Variants in AGK observed in about 807,000 individuals in gnomAD.
AGK encodes acylglycerol kinase, mitochondrial.
Under a neutral mutation model 66.4 loss-of-function variants are expected in AGK, and 52 were observed. That is an observed-to-expected ratio of 0.78 (90% CI 0.63 to 0.99). The LOEUF is 0.99. AGK is among the 50% of genes least tolerant of loss of function. AGK has a pLI of 0.00. For synonymous variants in AGK, 182 were observed against 181.1 expected, an observed-to-expected ratio of 1.00 and a Z score of -0.04; for missense variants, 451 against 506.6, an observed-to-expected ratio of 0.89 and a Z score of 1.05.
intron 2 of AGK, among the ~76,000 whole-genome samples, chr7:141,567,678 A>G (rs1211903287): frequency 6.6e-6 from 1 of 152,226 alleles, no homozygotes; most frequent in African/African-American, 2.4e-5. Context: ...TGCTTTTACC[A>G]AGCTTTCCAG....
intron 8 of AGK, among the ~76,000 whole-genome samples, chr7:141,617,052 G>T (rs574017988): frequency 6.6e-6 from 1 of 152,204 alleles, no homozygotes; most frequent in Admixed American, 6.5e-5. Context: ...TCCCGGTTTA[G>T]AATTTCTGAG....
intron 12 of AGK, 137 bp from the exon 13 acceptor site, chr7:141,641,674 G>A: frequency 1.3e-6 from 1 of 765,166 alleles, no homozygotes; most frequent in Admixed American, 2.6e-5. Flanking sequence ...TGTATAAGAA[G>A]CATGAAATAA....
intron 2 of AGK, among the ~76,000 whole-genome samples, chr7:141,582,759 G>A (rs2116900823): frequency 6.6e-6 from 1 of 152,058 alleles, no homozygotes; most frequent in Admixed American, 6.5e-5. Context: ...GGGAGAGCTA[G>A]CCATGGAACG....
chr7:141,553,477 C>G (rs1795142857), intron 1 of AGK, among the ~76,000 whole-genome samples: 1 of 152,212 alleles, frequency 6.6e-6, no homozygotes, highest in Admixed American at 6.5e-5. Flanking sequence ...CTCACAAAGC[C>G]TTGTGCTGAC....
intron 4 of AGK, 137 bp downstream of exon 4, chr7:141,596,778 T>A: frequency 1.4e-6 from 1 of 698,218 alleles, no homozygotes. Flanking sequence ...GATTCATTTG[T>A]AATGTAGAAA....
intron 2 of AGK, among the ~76,000 whole-genome samples, chr7:141,564,469 AACTC>A (rs138238201): frequency 0.14 from 20,739 of 152,010 alleles, 1,655 homozygotes; most frequent in Middle Eastern, 0.19. Flanking sequence ...ATCTTGTGAG[AACTC>A]ACTCACTTTC....
In AGK at chr7:141,601,285, G is replaced by C; in HGVS notation, c.297+5G>C. 6.2e-7 allele frequency: 1 copy of C among 1,607,992 alleles called. No individual in the cohort carries two copies. Among genetic ancestry groups the C allele is most frequent in the Non-Finnish European group, 8.5e-7 (1 of 1,176,502 alleles). On this transcript the variant is annotated splice_donor_5th_base_variant and intron_variant, in intron 5 of 15. Coordinates refer to ENST00000649286, the MANE Select transcript of AGK (RefSeq NM_018238.4). ...ATGGATGTGACTATTGTTAAGGTAAGAATGGCTCCTGAATGTTTATTTCAC... is the reference window on the plus strand; with the variant it reads ...ATGGATGTGACTATTGTTAAGGTAACAATGGCTCCTGAATGTTTATTTCAC...
chr7:141,630,322 T>C (rs977828593), intron 9 of AGK, among the ~76,000 whole-genome samples: 5 of 152,152 alleles, frequency 3.3e-5, no homozygotes, highest in African/African-American at 4.8e-5. Flanking sequence ...TGCAGTTAGA[T>C]AGGAGGAATA....
chr7:141,603,983 A>G (rs1355818570), intron 5 of AGK, among the ~76,000 whole-genome samples: 4 of 152,112 alleles, frequency 2.6e-5, no homozygotes, highest in Non-Finnish European at 5.9e-5. Flanking sequence ...GTCTAACCCC[A>G]TCTTATACTA....
intron 2 of AGK, among the ~76,000 whole-genome samples, chr7:141,577,422 C>T (rs903972697): frequency 6.6e-6 from 1 of 152,228 alleles, no homozygotes; most frequent in African/African-American, 2.4e-5. Flanking sequence ...AACCACCCCC[C>T]AGTTCTGTAG....
intron 2 of AGK, among the ~76,000 whole-genome samples, chr7:141,575,823 G>A (rs1321607117): frequency 2.0e-5 from 3 of 151,998 alleles, no homozygotes; most frequent in Non-Finnish European, 4.4e-5. Context: ...TATCTCTGGG[G>A]TGAATCACAA....
chr7:141,620,065 A>C (rs1796791697), intron 8 of AGK, among the ~76,000 whole-genome samples: 1 of 152,222 alleles, frequency 6.6e-6, no homozygotes, highest in African/African-American at 2.4e-5. Flanking sequence ...TGCTAAGAGA[A>C]AAAAACTGAA....
chr7:141,604,374 G>GTGTATATATATATATATATA (rs1554400830), intron 5 of AGK, among the ~76,000 whole-genome samples: 3 of 113,826 alleles, frequency 2.6e-5, no homozygotes, highest in African/African-American at 1.0e-4. Context: ...GTGTGTGTGT[G>GTGTATATATATATATATATA]TATATATATA....
chr7:141,641,649 C>A (rs1490922291), intron 12 of AGK, among the ~76,000 whole-genome samples, 162 bp from the exon 13 acceptor site: 1 of 152,092 alleles, frequency 6.6e-6, no homozygotes, highest in Non-Finnish European at 1.5e-5. Context: ...CACAGAGATG[C>A]CATTTTTACC....
At chr7:141,645,811 C>T (rs1797397988) in intron 13 of AGK, among the ~76,000 whole-genome samples, 1 of 151,888 alleles carries the variant, frequency 6.6e-6, no homozygotes. Context: ...ATAAAGTTTC[C>T]TCATTTAATC....
chr7:141,647,828 A>G (rs970470180), intron 13 of AGK, among the ~76,000 whole-genome samples: 1 of 151,450 alleles, frequency 6.6e-6, no homozygotes, highest in Non-Finnish European at 1.5e-5. Context: ...CCGCCACCAC[A>G]CCCGGCTAGT....
intron 5 of AGK, among the ~76,000 whole-genome samples, chr7:141,610,990 C>T (rs1010876516): frequency 2.6e-5 from 4 of 152,224 alleles, no homozygotes; most frequent in African/African-American, 9.6e-5. Flanking sequence ...TAGATGGTTT[C>T]TGAGGTCCCT....
chr7:141,599,271 G>T (rs184072566), intron 4 of AGK: 2 of 152,148 alleles, frequency 1.3e-5, no homozygotes, highest in East Asian at 3.9e-4. Context: ...AGATAACTGT[G>T]TGTTTAGCAT....
In AGK at chr7:141,601,237, C is replaced by T; in HGVS notation, c.254C>T (p.Ala85Val). ...KARTLFEKNAAPILHLSGMDV... is the reference protein window; with the variant it reads ...KARTLFEKNAVPILHLSGMDV... ...AGGACTCTATTTGAAAAAAATGCTG[C>T]CCCGATTTTACATTTATCTGGCATG... is the stretch of plus-strand genomic sequence containing the variant. Residue 85 changes from alanine to valine, a missense_variant, in exon 5 of 16, where the codon GCC becomes GTC. Transcript: ENST00000649286. The T allele has an allele frequency of 3.7e-6, 6 of 1,612,806 alleles. No homozygotes were observed. The highest frequency in any genetic ancestry group is 4.2e-6 in the Non-Finnish European group (5 of 1,179,322).
Sources: allele counts gnomAD v4.1 joint callset (sites outside exome capture counted in the v4.1 genomes callset), GRCh38; gene constraint gnomAD v4.1.1; transcripts MANE v1.5; gene names NCBI Gene and HGNC (gene_info 2026-07-23, HGNC 2026-07-21).